XPA: variants seen among roughly 807,000 people sequenced by gnomAD.
XPA encodes XPA, DNA damage recognition and repair factor.
A neutral mutation model predicts 35.7 loss-of-function variants in XPA; 27 were observed. That is an observed-to-expected ratio of 0.76 (90% CI 0.56 to 1.04). The LOEUF (loss-of-function observed/expected upper bound fraction) is 1.04, where lower values mean the gene tolerates loss of function less well. Among genes scored for constraint, XPA ranks in the 50% least tolerant of loss-of-function variants. The probability of loss-of-function intolerance (pLI) is 0.00; values close to 1 mark genes in which losing one functional copy is unlikely to be tolerated. For synonymous variants in XPA, 133 were observed against 118.4 expected, an observed-to-expected ratio of 1.12 and a Z score of -0.80; for missense variants, 354 against 342.7, an observed-to-expected ratio of 1.03 and a Z score of -0.26.
the XPA span, among the ~76,000 whole-genome samples, chr9:97,659,143 A>G: frequency 3.0e-4 from 45 of 152,380 alleles, no homozygotes; most frequent in African/African-American, 1.0e-3. Context: ...ATTCTTAATT[A>G]TGATTTTCTT....
intron 1 of XPA, among the ~76,000 whole-genome samples, chr9:97,694,002 T>C (rs1828968499): frequency 6.6e-6 from 1 of 152,188 alleles, no homozygotes; most frequent in Non-Finnish European, 1.5e-5. Context: ...ATGATGTAAT[T>C]ATGTGTGTAA....
chr9:97,697,314 TA>T lies in XPA; in HGVS notation c.-23del, dbSNP rs898904222. ...CCATCTCTGGCCCACTCCGAGGACC[TA>T]GCTCCCAGCTCCACGCACGCGCACT... is the stretch of plus-strand genomic sequence containing the variant. On this transcript the variant is annotated 5_prime_UTR_variant, in exon 1 of 6. Coordinates refer to ENST00000375128, the MANE Select transcript of XPA (RefSeq NM_000380.4). 1.3e-6 allele frequency: 2 copies of T among 1,596,806 alleles called. No individual in the cohort carries two copies. Among genetic ancestry groups the T allele is most frequent in the Admixed American group, 3.3e-5 (2 of 59,932 alleles).
At chr9:97,666,248 T>C in the XPA span, among the ~76,000 whole-genome samples, 44 of 152,218 alleles carry the variant, frequency 2.9e-4, no homozygotes, top group Non-Finnish European at 5.1e-4. Context: ...CATATAATTA[T>C]CTCATTCTTA....
chr9:97,684,430 A>T (rs1366896141), intron 5 of XPA, among the ~76,000 whole-genome samples: 1 of 152,100 alleles, frequency 6.6e-6, no homozygotes, highest in East Asian at 1.9e-4. Context: ...TCCAGTCCCA[A>T]CTCTGCCAAT....
chr9:97,686,121 T>C (rs1157040749), intron 4 of XPA, among the ~76,000 whole-genome samples: 1 of 152,240 alleles, frequency 6.6e-6, no homozygotes, highest in Non-Finnish European at 1.5e-5. Flanking sequence ...CACGTTTTGT[T>C]TTACAATATG....
intron 1 of XPA, among the ~76,000 whole-genome samples, chr9:97,695,817 C>A (rs768078923): frequency 1.6e-4 from 24 of 152,198 alleles, no homozygotes; most frequent in Non-Finnish European, 3.1e-4. Flanking sequence ...GTGGGTTGTA[C>A]ACAATGCTAC....
At chr9:97,666,943 A>C in the XPA span, 2 of 1,177,144 alleles carry the variant, frequency 1.7e-6, no homozygotes, top group Admixed American at 5.3e-5. Flanking sequence ...GAGGATTCAG[A>C]GTTCATTATC....
intron 5 of XPA, 35 bp downstream of exon 5, chr9:97,684,888 C>G (rs1342919993): frequency 6.4e-7 from 1 of 1,559,266 alleles, no homozygotes; most frequent in Admixed American, 1.7e-5. Context: ...AATGGTAAAA[C>G]ACAATCCTTC....
intron 3 of XPA, among the ~76,000 whole-genome samples, chr9:97,687,621 G>A (rs149533466): frequency 2.4e-4 from 37 of 152,324 alleles, no homozygotes; most frequent in African/African-American, 8.9e-4. Flanking sequence ...GTCAGAGACA[G>A]TCAGGACCTT....
the XPA span, among the ~76,000 whole-genome samples, chr9:97,657,746 C>T: frequency 5.9e-5 from 9 of 151,826 alleles, no homozygotes; most frequent in Non-Finnish European, 1.3e-4. Flanking sequence ...TGTCCTTTCT[C>T]CCCCATTTAT....
the XPA span, among the ~76,000 whole-genome samples, chr9:97,664,624 G>C: frequency 1.3e-5 from 2 of 152,188 alleles, no homozygotes; most frequent in South Asian, 2.1e-4. Flanking sequence ...AGCCTATCAG[G>C]TTGCAGCGTC....
the XPA span, among the ~76,000 whole-genome samples, chr9:97,664,134 G>T: frequency 3.3e-5 from 5 of 151,970 alleles, no homozygotes; most frequent in Non-Finnish European, 7.4e-5. Context: ...AGCTGAGATC[G>T]TGCCACTCCA....
At chr9:97,666,819 T>G in the XPA span, 1 of 1,610,736 alleles carries the variant, frequency 6.2e-7, no homozygotes, top group African/African-American at 1.3e-5. Context: ...AAACATGTCC[T>G]GAAGATCCAG....
intron 5 of XPA, among the ~76,000 whole-genome samples, chr9:97,676,483 T>A (rs3176746): frequency 2.6e-5 from 4 of 152,122 alleles, no homozygotes; most frequent in Non-Finnish European, 5.9e-5. Flanking sequence ...CTAAGGGAGA[T>A]TATGATAGCT....
chr9:97,657,547 C>T, the XPA span, among the ~76,000 whole-genome samples: 1 of 152,140 alleles, frequency 6.6e-6, no homozygotes, highest in Non-Finnish European at 1.5e-5. Flanking sequence ...CTTTCTCTAC[C>T]TTAACCTCAC....
intron 5 of XPA, among the ~76,000 whole-genome samples, chr9:97,682,901 T>C (rs954711918): frequency 2.0e-5 from 3 of 152,194 alleles, no homozygotes; most frequent in Non-Finnish European, 4.4e-5. Flanking sequence ...AGAATTCTTA[T>C]TAAAAAAAGC....
At chr9:97,670,088 G>C (rs1828140672), downstream of XPA, 1 of 328,620 alleles carries the variant, frequency 3.0e-6, no homozygotes, top group Admixed American at 3.9e-5. Flanking sequence ...ACTCCTGCCT[G>C]ATTTTTGTAT....
the XPA span, chr9:97,668,933 G>T: frequency 1.9e-6 from 3 of 1,612,882 alleles, no homozygotes; most frequent in South Asian, 3.3e-5. Context: ...AGTGGAATCT[G>T]CTCAGAGTGA....
chr9:97,667,451 C>T, the XPA span, among the ~76,000 whole-genome samples: 1 of 152,076 alleles, frequency 6.6e-6, no homozygotes, highest in African/African-American at 2.4e-5. Flanking sequence ...CTATAGGAAC[C>T]TTTCGCAAGT....
Sources: gnomAD v4.1 joint callset for allele counts (sites outside exome capture counted in the v4.1 genomes callset) on GRCh38, gnomAD v4.1.1 for gene constraint, MANE v1.5 for transcripts, NCBI Gene and HGNC (gene_info 2026-07-23, HGNC 2026-07-21) for gene names.